The following ZRANB3 variants were observed in gnomAD, a reference collection of about 807,000 sequenced individuals.
ZRANB3 encodes zinc finger RANBP2-type containing 3.
ZRANB3 carries 125 observed loss-of-function variants against 133.8 expected under a neutral mutation model. The ratio of observed to expected loss-of-function variants is 0.93; its 90% CI spans 0.81 to 1.08. The LOEUF is 1.08. Among genes scored for constraint, ZRANB3 ranks in the 50% least tolerant of loss-of-function variants. ZRANB3 has a pLI of 0.00. For synonymous variants in ZRANB3, 387 were observed against 432.7 expected (o/e 0.89, Z 1.31); for missense variants, 1,229 against 1,275.5 (o/e 0.96, Z 0.56).
At position 135,505,613 on chromosome 2, in the gene ZRANB3, A is replaced by G. The variant is rs74338346; in HGVS notation, c.-7-1117T>C. Among the ~76,000 whole-genome samples the G allele has an allele frequency of 5.4e-4, 82 of 152,076 alleles. 1 individual carries two copies. The highest frequency in any genetic ancestry group is 2.0e-3 in the African/African-American group (81 of 41,498). On this transcript the variant is annotated intron_variant, in intron 1 of 20. Coordinates refer to ENST00000264159, the MANE Select transcript of ZRANB3 (RefSeq NM_032143.4). ...AAAGTTTGCTTTTTTCCTCAATTACATGCAGACTTATATAACTATTGCTCT... is the reference window on the plus strand; with the variant it reads ...AAAGTTTGCTTTTTTCCTCAATTACGTGCAGACTTATATAACTATTGCTCT...
chr2:135,412,189 G>A (rs1406604587), intron 2 of ZRANB3, among the ~76,000 whole-genome samples: 2 of 152,032 alleles, frequency 1.3e-5, no homozygotes, highest in African/African-American at 4.8e-5. Flanking sequence ...GAAATGCTCA[G>A]GTTTTTTAGC....
chr2:135,515,370 G>C (rs1256899215), intron 1 of ZRANB3, among the ~76,000 whole-genome samples: 4 of 151,988 alleles, frequency 2.6e-5, no homozygotes, highest in Non-Finnish European at 5.9e-5. Context: ...ATTTGTTTGT[G>C]ATATTAGGGT....
intron 8 of ZRANB3, among the ~76,000 whole-genome samples, chr2:135,283,866 C>T (rs1251388769): frequency 1.3e-5 from 2 of 151,802 alleles, no homozygotes; most frequent in African/African-American, 4.8e-5. Flanking sequence ...CCTGTAGTCC[C>T]AGCTAGTCAG....
intron 1 of ZRANB3, among the ~76,000 whole-genome samples, chr2:135,526,315 C>G (rs1694161096): frequency 6.6e-6 from 1 of 152,004 alleles, no homozygotes; most frequent in Non-Finnish European, 1.5e-5. Flanking sequence ...AGGTGCCCGC[C>G]ACCACACTCA....
chr2:135,355,239 ATAAT>A, intron 3 of ZRANB3: 8 of 985,438 alleles, frequency 8.1e-6, no homozygotes, highest in Non-Finnish European at 9.6e-6. Flanking sequence ...TCGTTGGATA[ATAAT>A]TAGTATGTTT....
chr2:135,277,854 G>A (rs558871158), intron 8 of ZRANB3, among the ~76,000 whole-genome samples: 20 of 151,674 alleles, frequency 1.3e-4, no homozygotes, highest in African/African-American at 4.8e-4. Flanking sequence ...GAACCTGGGA[G>A]GTGGAGGTTG....
intron 6 of ZRANB3, among the ~76,000 whole-genome samples, chr2:135,316,979 A>ATATAT (rs1216261001): frequency 4.2e-5 from 6 of 143,078 alleles, no homozygotes; most frequent in African/African-American, 1.4e-4. Context: ...AAAAAAAAAA[A>ATATAT]AAAAATATAT....
At chr2:135,518,972 G>A (rs1693810162) in intron 1 of ZRANB3, among the ~76,000 whole-genome samples, 1 of 151,906 alleles carries the variant, frequency 6.6e-6, no homozygotes, top group Non-Finnish European at 1.5e-5. Context: ...TTGGACAGGG[G>A]AAACTGTTTC....
At chr2:135,330,248 A>G (rs1684070222) in intron 6 of ZRANB3, among the ~76,000 whole-genome samples, 2 of 152,242 alleles carry the variant, frequency 1.3e-5, no homozygotes, top group African/African-American at 4.8e-5. Context: ...TAGTTTAGTT[A>G]CAGTTTTTGG....
At chr2:135,303,729 A>C (rs1419802538) in intron 8 of ZRANB3, among the ~76,000 whole-genome samples, 1 of 152,210 alleles carries the variant, frequency 6.6e-6, no homozygotes, top group African/African-American at 2.4e-5. Flanking sequence ...TGAATATAAA[A>C]ATTTACAGAG....
At chr2:135,340,152 C>T (rs1684572024) in intron 6 of ZRANB3, among the ~76,000 whole-genome samples, 2 of 147,984 alleles carry the variant, frequency 1.4e-5, no homozygotes, top group Admixed American at 1.4e-4. Context: ...GTCGCCCAGG[C>T]TGGAGGGCAA....
chr2:135,410,306 G>A (rs970375142), intron 2 of ZRANB3, among the ~76,000 whole-genome samples: 4 of 152,034 alleles, frequency 2.6e-5, no homozygotes, highest in African/African-American at 9.7e-5. Context: ...CAATGGAACA[G>A]GATAGAGAGC....
chr2:135,356,750 G>A (rs1685454186), intron 3 of ZRANB3, among the ~76,000 whole-genome samples: 2 of 152,152 alleles, frequency 1.3e-5, no homozygotes, highest in Non-Finnish European at 1.5e-5. Context: ...GGGTCTTGCT[G>A]TGGCTGGAGG....
At chr2:135,454,255 C>T (rs749873231) in intron 2 of ZRANB3, among the ~76,000 whole-genome samples, 2 of 152,160 alleles carry the variant, frequency 1.3e-5, no homozygotes, top group Non-Finnish European at 2.9e-5. Flanking sequence ...CCTCCCACAA[C>T]ACATGGGAAT....
intron 3 of ZRANB3, among the ~76,000 whole-genome samples, chr2:135,377,169 AC>A (rs1475646413): frequency 6.6e-6 from 1 of 152,224 alleles, no homozygotes; most frequent in Non-Finnish European, 1.5e-5. Flanking sequence ...GATTACAGAT[AC>A]TTAATGTGTG....
chr2:135,281,219 C>T (rs1681089817), intron 8 of ZRANB3, among the ~76,000 whole-genome samples: 1 of 152,186 alleles, frequency 6.6e-6, no homozygotes, highest in Admixed American at 6.5e-5. Context: ...TCAGAATAAT[C>T]TTTTCTTTAA....
chr2:135,287,787 T>C (rs951497272), intron 8 of ZRANB3, among the ~76,000 whole-genome samples: 17 of 151,678 alleles, frequency 1.1e-4, no homozygotes, highest in African/African-American at 4.1e-4. Context: ...CGATTTTGTA[T>C]CCTGAAACTT....
chr2:135,303,047 G>A (rs1391759264), intron 8 of ZRANB3, among the ~76,000 whole-genome samples: 4 of 152,076 alleles, frequency 2.6e-5, no homozygotes, highest in African/African-American at 9.7e-5. Context: ...TTATTATACT[G>A]TAAACAATGA....
intron 10 of ZRANB3, chr2:135,271,177 A>C: frequency 3.1e-6 from 1 of 325,358 alleles, no homozygotes; most frequent in Non-Finnish European, 6.4e-6. Context: ...TAAAGCAGAA[A>C]GCGAGAAGGG....
Sources: gnomAD v4.1 joint callset for allele counts (sites outside exome capture counted in the v4.1 genomes callset) on GRCh38, gnomAD v4.1.1 for gene constraint, MANE v1.5 for transcripts, NCBI Gene and HGNC (gene_info 2026-07-23, HGNC 2026-07-21) for gene names.